The following RTTN variants were observed in gnomAD, a reference collection of about 807,000 sequenced individuals.
RTTN encodes the protein rotatin.
In RTTN, 182 loss-of-function variants were observed where a neutral mutation model predicts 269.2. The observed-to-expected ratio is 0.68, with a 90% CI of 0.60 to 0.76. The LOEUF is 0.76. Among genes scored for constraint, RTTN ranks in the 30% least tolerant of loss-of-function variants. The pLI, the probability that RTTN is intolerant of heterozygous loss-of-function variation, is 0.00. For missense variants in RTTN, 2,545 were observed against 2,608.6 expected, an observed-to-expected ratio of 0.98 and a Z score of 0.53; for synonymous variants, 1,006 against 963.5, an observed-to-expected ratio of 1.04 and a Z score of -0.82.
At position 70,166,052 on chromosome 18, in the gene RTTN, A is replaced by G. The variant is rs1358996906; in HGVS notation, c.1929+10T>C. On this transcript the variant is annotated intron_variant, in intron 14 of 48. Transcript: ENST00000640769. The stretch of plus-strand genomic sequence containing the variant: ...TCAAAAACAAAACATACGAAAAAAC[A>G]AAACCTCACCTTCGTGATTTCCAGA... The G allele has an allele frequency of 6.2e-7, 1 of 1,612,858 alleles. No homozygotes were observed. Among genetic ancestry groups the G allele is most frequent in the Non-Finnish European group, 8.5e-7 (1 of 1,179,364 alleles).
At chr18:70,175,379 T>C (rs1192694457) in intron 11 of RTTN, among the ~76,000 whole-genome samples, 2 of 151,972 alleles carry the variant, frequency 1.3e-5, no homozygotes, top group Non-Finnish European at 2.9e-5. Context: ...ACACGTTAAT[T>C]AAAAAAACAA....
rs187556037 is a variant in RTTN at position 70,164,366 on chromosome 18, C to T, written c.1929+1696G>A. On this transcript the variant is annotated intron_variant, in intron 14 of 48. Coordinates refer to ENST00000640769, the MANE Select transcript of RTTN (RefSeq NM_173630.4). ...AGCTGGGACTACAGGCACATGCCACCATGCCCAGCTATTTTTTTTTTTTTT... is the reference window on the plus strand; with the variant it reads ...AGCTGGGACTACAGGCACATGCCACTATGCCCAGCTATTTTTTTTTTTTTT... Among the ~76,000 whole-genome samples the T allele has an allele frequency of 1.5e-3, 223 of 151,908 alleles. 1 individual carries two copies. Among genetic ancestry groups the T allele is most frequent in the African/African-American group, 5.1e-3 (210 of 41,416 alleles).
At position 70,104,479 on chromosome 18, in the gene RTTN, A is replaced by G. The variant is rs141281287; in HGVS notation, c.3903+5019T>C. Among the ~76,000 whole-genome samples, 437 of 152,318 alleles carry G rather than the reference A, an allele frequency of 2.9e-3. 1 individual carries two copies. The highest frequency in any genetic ancestry group is 9.7e-3 in the African/African-American group (405 of 41,566). On this transcript the variant is annotated intron_variant, in intron 28 of 48. Coordinates refer to ENST00000640769, the MANE Select transcript of RTTN (RefSeq NM_173630.4). ...AAGTTTGTTATTACCAATCTTCTGA[A>G]GCCTTCTTCTCTCAACTCGTCAAAG...
intron 44 of RTTN, among the ~76,000 whole-genome samples, chr18:70,022,016 A>C (rs533877924): frequency 2.6e-5 from 4 of 152,274 alleles, no homozygotes; most frequent in Admixed American, 2.6e-4. Flanking sequence ...TATGACCATA[A>C]ATTTAATAAA....
At position 70,154,437 on chromosome 18, in the gene RTTN, C is replaced by T. The variant is rs373480022; in HGVS notation, c.1930-3704G>A. ...ATCTGCCTCAAGAAAGATATCAAAT[C>T]GTATTCCACCATTTTAAATTTCGGG... On this transcript the variant is annotated intron_variant, in intron 14 of 48. Transcript: ENST00000640769. Among the ~76,000 whole-genome samples the T allele has an allele frequency of 1.0e-3, 159 of 152,216 alleles. 1 individual carries two copies. Among genetic ancestry groups the T allele is most frequent in the African/African-American group, 3.3e-3 (135 of 41,524 alleles).
chr18:70,049,107 G>A (rs1174114138), intron 39 of RTTN, among the ~76,000 whole-genome samples: 2 of 152,170 alleles, frequency 1.3e-5, no homozygotes, highest in Non-Finnish European at 2.9e-5. Context: ...AACTTTTTCT[G>A]TAAAGGTCCA....
At chr18:70,010,793 C>A (rs2056346226) in intron 46 of RTTN, among the ~76,000 whole-genome samples, 1 of 152,084 alleles carries the variant, frequency 6.6e-6, no homozygotes, top group Admixed American at 6.6e-5. Flanking sequence ...ATCAATGAAT[C>A]CCGGAGCTGG....
intron 7 of RTTN, among the ~76,000 whole-genome samples, chr18:70,195,912 T>C (rs758067256): frequency 1.6e-4 from 25 of 152,164 alleles, no homozygotes; most frequent in Admixed American, 7.9e-4. Flanking sequence ...GGATTAACTA[T>C]GAAACATGAT....
At position 70,017,676 on chromosome 18, in the gene RTTN, T is replaced by C. The variant is rs375514919; in HGVS notation, c.6154-2A>G. ...GAGGAAGTTCTGTAAGAAGTTACTCTGTGGATAAATAGAGAGAATATTATT... is the reference window on the plus strand; with the variant it reads ...GAGGAAGTTCTGTAAGAAGTTACTCCGTGGATAAATAGAGAGAATATTATT... On this transcript the variant is annotated splice_acceptor_variant, in intron 45 of 48. Coordinates refer to ENST00000640769, the MANE Select transcript of RTTN (RefSeq NM_173630.4). LOFTEE classifies it high-confidence loss of function. 3.7e-6 allele frequency: 6 copies of C among 1,605,114 alleles called. No homozygotes were observed. Among genetic ancestry groups the C allele is most frequent in the Non-Finnish European group, 5.1e-6 (6 of 1,175,704 alleles).
At chr18:70,034,967 A>G (rs2144662266) in intron 40 of RTTN, among the ~76,000 whole-genome samples, 1 of 152,266 alleles carries the variant, frequency 6.6e-6, no homozygotes, top group Admixed American at 6.5e-5. Flanking sequence ...AAACAAAATA[A>G]AATAAAACAA....
intron 35 of RTTN, among the ~76,000 whole-genome samples, chr18:70,060,380 A>G (rs73466767): frequency 7.0e-4 from 106 of 152,252 alleles, no homozygotes; most frequent in African/African-American, 2.4e-3. Context: ...CCTTTTTCTG[A>G]AACTCGAGGG....
chr18:70,056,862 G>T (rs2057831544), intron 37 of RTTN, among the ~76,000 whole-genome samples: 1 of 152,154 alleles, frequency 6.6e-6, no homozygotes, highest in East Asian at 1.9e-4. Flanking sequence ...GGCATATATG[G>T]ATTTTCTAAT....
intron 28 of RTTN, among the ~76,000 whole-genome samples, chr18:70,095,949 T>C (rs2058990973): frequency 6.6e-6 from 1 of 152,246 alleles, no homozygotes; most frequent in Non-Finnish European, 1.5e-5. Flanking sequence ...GTAGGTTCAC[T>C]CTTTTCACAT....
In RTTN at chr18:70,201,936, T is replaced by C. The variant is rs752622578; in HGVS notation, c.445A>G (p.Lys149Glu). Residue 149 changes from lysine to glutamate, a missense_variant, in exon 4 of 49, where the codon AAA becomes GAA. Lys to Glu is a moderately conservative substitution (Grantham distance 56, BLOSUM62 1). Transcript: ENST00000640769. ...EILTGYFPQDKSNFQQMEVPP... is the reference protein window; with the variant it reads ...EILTGYFPQDESNFQQMEVPP... ...ACTTCCATCTGCTGGAAATTACTTTTGTCTTGGGGAAAATATCCTGTTAAG... is the reference window on the plus strand; with the variant it reads ...ACTTCCATCTGCTGGAAATTACTTTCGTCTTGGGGAAAATATCCTGTTAAG... 1 of 1,612,678 alleles carries C rather than the reference T, an allele frequency of 6.2e-7. No individual in the cohort carries two copies. The highest frequency in any genetic ancestry group is 1.1e-5 in the South Asian group (1 of 91,024).
rs111804472 is a variant in RTTN, at chr18:70,105,625, C to T, written c.3903+3873G>A. Among the ~76,000 whole-genome samples, 618 of 152,038 alleles carry T rather than the reference C, an allele frequency of 4.1e-3. 4 individuals are homozygous for T. Among genetic ancestry groups the T allele is most frequent in the African/African-American group, 0.014 (579 of 41,486 alleles). On this transcript the variant is annotated intron_variant, in intron 28 of 48. Coordinates refer to ENST00000640769, the MANE Select transcript of RTTN (RefSeq NM_173630.4). ...CTGTTCCTATTTGGCCATCTTGGAACCTCTCCGAAATTTATTTTATTAAAG... is the reference window on the plus strand; with the variant it reads ...CTGTTCCTATTTGGCCATCTTGGAATCTCTCCGAAATTTATTTTATTAAAG...
intron 23 of RTTN, chr18:70,128,981 G>A (rs1373423318): frequency 1.3e-5 from 2 of 154,574 alleles, no homozygotes; most frequent in Non-Finnish European, 2.9e-5. Context: ...CAAAAATGAG[G>A]CTTAAAGCTG....
chr18:70,127,906 T>C (rs976934165), intron 24 of RTTN, 165 bp from the exon 25 acceptor site: 3 of 638,414 alleles, frequency 4.7e-6, no homozygotes, highest in Non-Finnish European at 7.9e-6. Flanking sequence ...CTGTCAATAT[T>C]AGGATTTTAC....
chr18:70,183,740 G>A (rs1353631904), intron 10 of RTTN, among the ~76,000 whole-genome samples: 2 of 152,116 alleles, frequency 1.3e-5, no homozygotes, highest in Non-Finnish European at 2.9e-5. Context: ...CCTCTGGGAA[G>A]CAAAATTACC....
chr18:70,059,736 A>G, intron 36 of RTTN, 114 bp downstream of exon 36: 1 of 705,250 alleles, frequency 1.4e-6, no homozygotes, highest in Non-Finnish European at 2.1e-6. Flanking sequence ...AATGAGCCTA[A>G]AAAAGAATAA....
Sources: gnomAD v4.1 joint callset for allele counts (sites outside exome capture counted in the v4.1 genomes callset) on GRCh38, gnomAD v4.1.1 for gene constraint, MANE v1.5 for transcripts, NCBI Gene and HGNC (gene_info 2026-07-23, HGNC 2026-07-21) for gene names.